Variants in NR2F1-AS1 observed in about 807,000 individuals in gnomAD.
The protein encoded by NR2F1-AS1 is NR2F1 antisense RNA 1.
At chr5:93,474,358 C>G (rs914566249) in intron 4 of NR2F1-AS1, among the ~76,000 whole-genome samples, 6 of 152,214 alleles carry the variant, frequency 3.9e-5, no homozygotes, top group African/African-American at 1.4e-4. Context: ...ACCAAGTATA[C>G]TGCCTATAAC....
upstream of NR2F1-AS1, chr5:93,583,943 C>G (rs1753174960): frequency 6.6e-6 from 1 of 152,548 alleles, no homozygotes; most frequent in South Asian, 2.1e-4. Flanking sequence ...GAGCCCGGCG[C>G]CACCGGCACA....
At chr5:93,495,429 A>C (rs1275260272) in intron 4 of NR2F1-AS1, among the ~76,000 whole-genome samples, 1 of 152,166 alleles carries the variant, frequency 6.6e-6, no homozygotes, top group Non-Finnish European at 1.5e-5. Context: ...GACCAAGCAC[A>C]AAGGGAAAAT....
At chr5:93,578,882 G>C (rs1752956143) in intron 1 of NR2F1-AS1, among the ~76,000 whole-genome samples, 1 of 152,210 alleles carries the variant, frequency 6.6e-6, no homozygotes, top group Non-Finnish European at 1.5e-5. Flanking sequence ...TTTCCTGGTT[G>C]AGTGTGGGTC....
At chr5:93,498,640 A>G (rs1751013955) in intron 4 of NR2F1-AS1, among the ~76,000 whole-genome samples, 1 of 152,184 alleles carries the variant, frequency 6.6e-6, no homozygotes, top group African/African-American at 2.4e-5. Flanking sequence ...TGGCATCCCA[A>G]TACTAGATGC....
chr5:93,570,839 A>T (rs1254637028), intron 1 of NR2F1-AS1: 1 of 152,070 alleles, frequency 6.6e-6, no homozygotes, highest in African/African-American at 2.4e-5. Flanking sequence ...GCGGCCGGAT[A>T]TGGGCCTAGC....
intron 4 of NR2F1-AS1, among the ~76,000 whole-genome samples, chr5:93,540,910 G>C (rs1490521584): frequency 3.3e-5 from 5 of 152,166 alleles, no homozygotes; most frequent in African/African-American, 1.2e-4. Context: ...GAGTGCTTAT[G>C]ATGACACACA....
intron 4 of NR2F1-AS1, among the ~76,000 whole-genome samples, chr5:93,497,583 G>A (rs567952904): frequency 2.9e-4 from 44 of 152,196 alleles, no homozygotes; most frequent in Non-Finnish European, 5.6e-4. Context: ...GAATTATCTC[G>A]TTGAACCCTG....
intron 4 of NR2F1-AS1, among the ~76,000 whole-genome samples, chr5:93,500,975 C>T (rs1751066950): frequency 6.6e-6 from 1 of 152,060 alleles, no homozygotes; most frequent in Admixed American, 6.6e-5. Context: ...GATAGCGATT[C>T]CTCTGATGGA....
chr5:93,570,516 C>A (rs1752728729), intron 1 of NR2F1-AS1: 1 of 152,248 alleles, frequency 6.6e-6, no homozygotes, highest in Admixed American at 6.5e-5. Context: ...GGGACCATTA[C>A]TAAGAGGTCT....
At chr5:93,560,679 C>T (rs1384384744) in intron 2 of NR2F1-AS1, among the ~76,000 whole-genome samples, 1 of 152,174 alleles carries the variant, frequency 6.6e-6, no homozygotes, top group African/African-American at 2.4e-5. Context: ...GTAAAATATA[C>T]ATCTCAAAAA....
chr5:93,478,179 G>T (rs1354152264), intron 4 of NR2F1-AS1, among the ~76,000 whole-genome samples: 2 of 152,158 alleles, frequency 1.3e-5, no homozygotes, highest in African/African-American at 4.8e-5. Context: ...GATTTGGGAA[G>T]GGGGAGTAAG....
At chr5:93,506,243 A>C (rs1215416689) in intron 4 of NR2F1-AS1, among the ~76,000 whole-genome samples, 1 of 152,200 alleles carries the variant, frequency 6.6e-6, no homozygotes, top group Non-Finnish European at 1.5e-5. Context: ...AGATCATCTC[A>C]GTCTGGACCT....
rs1419084041 is a variant in NR2F1-AS1, at chr5:93,572,432, A to AAG, written n.313+8034_313+8035insCT. Among the ~76,000 whole-genome samples, 5 of 152,222 alleles carry AAG rather than the reference A, an allele frequency of 3.3e-5. No homozygotes were observed. In the East Asian group the frequency reaches 5.8e-4, roughly 18 times the overall value. ...GGGGCAGAGCCCAGGGAGAAGCGAC[A>AAG]TGCCCCCGGCTCCGTGCTCCTCTTC... is the stretch of plus-strand genomic sequence containing the variant. On this transcript the variant is annotated intron_variant and non_coding_transcript_variant, in intron 1 of 5. Coordinates refer to ENST00000660523, the Ensembl canonical transcript of NR2F1-AS1.
chr5:93,569,211 T>C (rs1162458686), intron 1 of NR2F1-AS1, among the ~76,000 whole-genome samples: 1 of 152,042 alleles, frequency 6.6e-6, no homozygotes, highest in Non-Finnish European at 1.5e-5. Context: ...ACAGCATCAT[T>C]AGTACACAGG....
intron 1 of NR2F1-AS1, among the ~76,000 whole-genome samples, chr5:93,574,539 G>A (rs891059219): frequency 6.6e-6 from 1 of 152,074 alleles, no homozygotes; most frequent in African/African-American, 2.4e-5. Context: ...GAGCCCTGGG[G>A]GAGTGGGGGA....
intron 4 of NR2F1-AS1, among the ~76,000 whole-genome samples, chr5:93,469,143 A>T (rs1343306324): frequency 1.3e-5 from 2 of 152,068 alleles, no homozygotes; most frequent in African/African-American, 4.8e-5. Flanking sequence ...AATGATGGGG[A>T]TATGTATTGA....
intron 4 of NR2F1-AS1, among the ~76,000 whole-genome samples, chr5:93,490,016 G>A (rs898281258): frequency 2.0e-5 from 3 of 152,198 alleles, no homozygotes; most frequent in African/African-American, 4.8e-5. Flanking sequence ...GTGAAATGGA[G>A]AAAATTGGAT....
At chr5:93,457,917 C>T (rs1364231987) in intron 4 of NR2F1-AS1, among the ~76,000 whole-genome samples, 1 of 152,178 alleles carries the variant, frequency 6.6e-6, no homozygotes, top group Non-Finnish European at 1.5e-5. Context: ...CTTTTCTTTG[C>T]ATCTCTGATG....
intron 1 of NR2F1-AS1, among the ~76,000 whole-genome samples, chr5:93,567,253 C>T (rs1188311873): frequency 6.6e-6 from 1 of 151,992 alleles, no homozygotes; most frequent in Admixed American, 6.5e-5. Flanking sequence ...TAAACGGAAT[C>T]CTTACAAATT....
Sources: allele counts gnomAD v4.1 joint callset (sites outside exome capture counted in the v4.1 genomes callset), GRCh38; gene constraint gnomAD v4.1.1; transcripts MANE v1.5; gene names NCBI Gene and HGNC (gene_info 2026-07-23, HGNC 2026-07-21).